The following MALRD1 variants were observed in gnomAD, a reference collection of about 807,000 sequenced individuals.
The protein encoded by MALRD1 is MAM and LDL-receptor class A domain-containing protein 1.
A neutral mutation model predicts 242.1 loss-of-function variants in MALRD1; 247 were observed. That is an observed-to-expected ratio of 1.02 (90% CI 0.92 to 1.13). The LOEUF (loss-of-function observed/expected upper bound fraction) is 1.13. Ranked by LOEUF, MALRD1 falls within the 50% of genes most tolerant of loss-of-function variation. MALRD1 has a pLI of 0.00. For missense variants in MALRD1, 2,989 were observed against 2,533.1 expected (o/e 1.18, Z -3.86); for synonymous variants, 995 against 866.6 (o/e 1.15, Z -2.60).
At chr10:19,587,029 G>T (rs922667540) in intron 33 of MALRD1, among the ~76,000 whole-genome samples, 4 of 152,236 alleles carry the variant, frequency 2.6e-5, no homozygotes, top group African/African-American at 9.6e-5. Context: ...CTAGGAAAGG[G>T]AACTCCCTGA....
chr10:19,155,556 GT>G (rs1834112409), intron 12 of MALRD1, among the ~76,000 whole-genome samples: 1 of 152,300 alleles, frequency 6.6e-6, no homozygotes, highest in Non-Finnish European at 1.5e-5. Context: ...TGAAATTTGA[GT>G]TTTTTAAATG....
intron 28 of MALRD1, among the ~76,000 whole-genome samples, chr10:19,400,125 A>G (rs1266132817): frequency 6.6e-6 from 1 of 152,182 alleles, no homozygotes; most frequent in African/African-American, 2.4e-5. Flanking sequence ...GTCTACTATC[A>G]TGGAGCTTGT....
At chr10:19,074,469 T>G (rs894643936) in intron 2 of MALRD1, among the ~76,000 whole-genome samples, 1 of 152,128 alleles carries the variant, frequency 6.6e-6, no homozygotes, top group Non-Finnish European at 1.5e-5. Context: ...GTGAACTATA[T>G]GAGATTTTCA....
intron 33 of MALRD1, among the ~76,000 whole-genome samples, chr10:19,568,241 C>T (rs149739997): frequency 5.0e-4 from 76 of 152,276 alleles, no homozygotes; most frequent in Non-Finnish European, 5.9e-4. Context: ...ATGTTCCCCC[C>T]CTAAGTGGGG....
chr10:19,614,154 A>G (rs550655365), intron 35 of MALRD1, among the ~76,000 whole-genome samples: 2 of 152,162 alleles, frequency 1.3e-5, no homozygotes, highest in Admixed American at 1.3e-4. Context: ...TCACAACCCT[A>G]TGAGATACTT....
chr10:19,312,337 A>G (rs1477310992), intron 21 of MALRD1, among the ~76,000 whole-genome samples: 2 of 149,462 alleles, frequency 1.3e-5, no homozygotes, highest in Non-Finnish European at 3.0e-5. Flanking sequence ...TTTATGCTCT[A>G]TTAATTAACC....
chr10:19,394,726 C>T (rs12218710), intron 28 of MALRD1, among the ~76,000 whole-genome samples: 1 of 152,120 alleles, frequency 6.6e-6, no homozygotes, highest in Non-Finnish European at 1.5e-5. Flanking sequence ...TTGAAATGTT[C>T]CAGTGAGCCT....
At chr10:19,280,727 C>G (rs1346234630) in intron 20 of MALRD1, among the ~76,000 whole-genome samples, 1 of 152,160 alleles carries the variant, frequency 6.6e-6, no homozygotes, top group African/African-American at 2.4e-5. Flanking sequence ...CCTGCCAATT[C>G]AATGGTACCT....
chr10:19,226,449 C>T (rs192617178), intron 18 of MALRD1, among the ~76,000 whole-genome samples: 38 of 152,208 alleles, frequency 2.5e-4, no homozygotes, highest in African/African-American at 8.4e-4. Context: ...CTCCCTAGTT[C>T]TTTAAAGTAT....
At chr10:19,081,955 C>T (rs1479983616) in intron 2 of MALRD1, among the ~76,000 whole-genome samples, 1 of 151,704 alleles carries the variant, frequency 6.6e-6, no homozygotes, top group Non-Finnish European at 1.5e-5. Flanking sequence ...TACAATATGC[C>T]AACTTCTTAC....
intron 2 of MALRD1, among the ~76,000 whole-genome samples, chr10:19,067,135 A>G (rs919715799): frequency 1.4e-4 from 22 of 152,218 alleles, no homozygotes; most frequent in African/African-American, 5.3e-4. Flanking sequence ...CTTAGAGAAT[A>G]ATTGGGATTT....
chr10:19,580,184 T>C (rs1403393927), intron 33 of MALRD1, among the ~76,000 whole-genome samples: 1 of 152,188 alleles, frequency 6.6e-6, no homozygotes. Context: ...CTTTTACCTA[T>C]GTTTTAGATT....
At chr10:19,466,745 A>G (rs957282491) in intron 29 of MALRD1, among the ~76,000 whole-genome samples, 2 of 152,132 alleles carry the variant, frequency 1.3e-5, no homozygotes, top group Non-Finnish European at 1.5e-5. Flanking sequence ...TTTACATGAA[A>G]TATCTTGGGA....
intron 32 of MALRD1, among the ~76,000 whole-genome samples, chr10:19,550,745 A>C (rs1192310141): frequency 1.3e-5 from 2 of 152,084 alleles, no homozygotes; most frequent in African/African-American, 4.8e-5. Flanking sequence ...CCTTATCACT[A>C]ATAGGGGTTT....
intron 13 of MALRD1, among the ~76,000 whole-genome samples, chr10:19,171,943 TATA>T (rs1388211130): frequency 1.6e-5 from 2 of 123,374 alleles, no homozygotes; most frequent in East Asian, 2.2e-4. Flanking sequence ...ATATATATCA[TATA>T]ATATATGTAT....
At chr10:19,126,899 A>G (rs141656866) in intron 7 of MALRD1, among the ~76,000 whole-genome samples, 2 of 152,144 alleles carry the variant, frequency 1.3e-5, no homozygotes, top group African/African-American at 2.4e-5. Flanking sequence ...ATTTATCCCA[A>G]TGATCTCCCT....
At chr10:19,198,305 T>G (rs1374181541) in intron 14 of MALRD1, among the ~76,000 whole-genome samples, 1 of 152,188 alleles carries the variant, frequency 6.6e-6, no homozygotes, top group African/African-American at 2.4e-5. Flanking sequence ...TTTGCATTGG[T>G]TCTTCTTGCT....
At chr10:19,530,997 A>C (rs1255859904) in intron 31 of MALRD1, among the ~76,000 whole-genome samples, 197 bp from the exon 32 acceptor site, 1 of 152,182 alleles carries the variant, frequency 6.6e-6, no homozygotes, top group East Asian at 1.9e-4. Context: ...AATTTTGTGA[A>C]TCACATGATC....
chr10:19,084,334 A>G (rs750620348), intron 2 of MALRD1, among the ~76,000 whole-genome samples: 5 of 151,808 alleles, frequency 3.3e-5, no homozygotes, highest in Admixed American at 6.6e-5. Context: ...AAATTAGTGC[A>G]CTTTCATATT....
Sources: allele counts gnomAD v4.1 joint callset (sites outside exome capture counted in the v4.1 genomes callset), GRCh38; gene constraint gnomAD v4.1.1; transcripts MANE v1.5; gene names NCBI Gene and HGNC (gene_info 2026-07-23, HGNC 2026-07-21).